Variants in CPEB3 observed in about 807,000 individuals in gnomAD.
The protein encoded by CPEB3 is cytoplasmic polyadenylation element-binding protein 3.
A neutral mutation model predicts 67.2 loss-of-function variants in CPEB3; 20 were observed. The ratio of observed to expected loss-of-function variants is 0.30; its 90% CI spans 0.21 to 0.43. The LOEUF (loss-of-function observed/expected upper bound fraction) is 0.43. Ranked by LOEUF, CPEB3 falls within the 20% of genes least tolerant of loss-of-function variation. The pLI is 1.00. For missense variants in CPEB3, 746 were observed against 968.6 expected (o/e 0.77, Z 3.05); for synonymous variants, 376 against 393.1 (o/e 0.96, Z 0.51).
rs528407237 is a variant in CPEB3, at chr10:92,281,527, A to G, written c.-12+9399T>C. On this transcript the variant is annotated intron_variant, in intron 1 of 9. Transcript: ENST00000265997. ...CTACGATGGTATCCTTCGCAGCACA[A>G]ATATTTTGAATTTTGATTGTCAGTC... is the stretch of plus-strand genomic sequence containing the variant. Among the ~76,000 whole-genome samples, 7 of 152,242 alleles carry G rather than the reference A, an allele frequency of 4.6e-5. No individual in the cohort carries two copies. The East Asian group carries it at 1.4e-3, about 29-fold the overall frequency.
At chr10:92,109,321 C>T (rs920763530) in intron 7 of CPEB3, among the ~76,000 whole-genome samples, 6 of 151,526 alleles carry the variant, frequency 4.0e-5, no homozygotes, top group Non-Finnish European at 2.9e-5. Flanking sequence ...GACGCGATCT[C>T]GGCTCACTGC....
At chr10:92,178,402 G>A (rs1315951836) in intron 4 of CPEB3, among the ~76,000 whole-genome samples, 1 of 152,088 alleles carries the variant, frequency 6.6e-6, no homozygotes, top group Admixed American at 6.5e-5. Context: ...CAAGTGATCT[G>A]CCCACCTCGG....
chr10:92,120,583 AAAAAAAC>A (rs759397312), intron 6 of CPEB3, among the ~76,000 whole-genome samples: 20 of 152,158 alleles, frequency 1.3e-4, no homozygotes, highest in South Asian at 4.1e-4. Context: ...GACTGTCTCA[AAAAAAAC>A]AAAAAACAAA....
At chr10:92,105,995 C>T (rs953522343) in intron 7 of CPEB3, among the ~76,000 whole-genome samples, 9 of 152,072 alleles carry the variant, frequency 5.9e-5, no homozygotes, top group Admixed American at 1.3e-4. Context: ...TGGGTTCAAG[C>T]GATTCTTGTG....
chr10:92,229,639 G>A (rs1851167089), intron 2 of CPEB3, among the ~76,000 whole-genome samples: 1 of 152,196 alleles, frequency 6.6e-6, no homozygotes, highest in East Asian at 1.9e-4. Context: ...ACTATGGGGT[G>A]TCCATAAAGT....
At position 92,138,205 on chromosome 10, in the gene CPEB3, G is replaced by A. The variant is rs878971073; in HGVS notation, c.1453+4824C>T. The A allele has an allele frequency of 5.4e-5, 12 of 221,344 alleles. No individual in the cohort carries two copies. In the South Asian group the frequency reaches 9.5e-4, roughly 18 times the overall value. The allele number at this position is 221,344 out of a possible 1,614,324, so 13.7% of individuals were successfully genotyped here. On this transcript the variant is annotated intron_variant, in intron 6 of 9. Coordinates refer to ENST00000265997, the MANE Select transcript of CPEB3 (RefSeq NM_014912.5). ...GCAGGTTTCTTCAGTTATCAACTGTGACCTTCCCACCTGTATCCACAGAAT... is the reference window on the plus strand; with the variant it reads ...GCAGGTTTCTTCAGTTATCAACTGTAACCTTCCCACCTGTATCCACAGAAT...
chr10:92,255,156 C>T (rs1471593041), intron 1 of CPEB3, among the ~76,000 whole-genome samples: 1 of 152,172 alleles, frequency 6.6e-6, no homozygotes, highest in African/African-American at 2.4e-5. Context: ...GAAGCTGAGT[C>T]TCCCTACAAG....
chr10:92,173,681 A>G (rs1375931546), intron 4 of CPEB3, among the ~76,000 whole-genome samples: 2 of 152,188 alleles, frequency 1.3e-5, no homozygotes, highest in Non-Finnish European at 2.9e-5. Flanking sequence ...ACCCTGGCCA[A>G]TTCTTACAGC....
At chr10:92,193,424 C>A (rs923091705) in intron 2 of CPEB3, among the ~76,000 whole-genome samples, 2 of 152,004 alleles carry the variant, frequency 1.3e-5, no homozygotes, top group East Asian at 1.9e-4. Context: ...GTCAAACGAA[C>A]AGAGATGTTC....
chr10:92,207,545 G>A (rs774964565), intron 2 of CPEB3, among the ~76,000 whole-genome samples: 1 of 152,104 alleles, frequency 6.6e-6, no homozygotes, highest in Admixed American at 6.6e-5. Flanking sequence ...CTTTTGCGAG[G>A]AAGAAATGAG....
At chr10:92,266,827 A>T (rs1399368759) in intron 1 of CPEB3, among the ~76,000 whole-genome samples, 1 of 152,122 alleles carries the variant, frequency 6.6e-6, no homozygotes, top group African/African-American at 2.4e-5. Flanking sequence ...TGAGGTCAGG[A>T]GTTCGAGACG....
intron 4 of CPEB3, among the ~76,000 whole-genome samples, chr10:92,153,059 T>C (rs1284541201): frequency 6.6e-6 from 1 of 152,210 alleles, no homozygotes; most frequent in Non-Finnish European, 1.5e-5. Context: ...CCTATTACTA[T>C]GAGCAGTAAC....
chr10:92,063,579 A>G (rs137984155), intron 9 of CPEB3, among the ~76,000 whole-genome samples: 2,224 of 152,234 alleles, frequency 0.015, 55 homozygotes, highest in African/African-American at 0.05. Context: ...CCTGGCCAAC[A>G]TGGTGAAACC....
chr10:92,273,007 T>TAAAGG (rs1853370336), intron 1 of CPEB3, among the ~76,000 whole-genome samples: 1 of 151,814 alleles, frequency 6.6e-6, no homozygotes, highest in East Asian at 1.9e-4. Context: ...TGGACAAGGG[T>TAAAGG]AAAGGAAAGG....
chr10:92,224,011 C>T (rs1850841705), intron 2 of CPEB3, among the ~76,000 whole-genome samples: 2 of 152,060 alleles, frequency 1.3e-5, no homozygotes, highest in Admixed American at 6.5e-5. Flanking sequence ...GTGATCCATC[C>T]ACCTTGGCCT....
At chr10:92,118,123 A>T (rs1564794055) in intron 6 of CPEB3, among the ~76,000 whole-genome samples, 2 of 152,072 alleles carry the variant, frequency 1.3e-5, no homozygotes, top group Admixed American at 6.6e-5. Flanking sequence ...ACCATTTGAC[A>T]GTTTTGTTTT....
At chr10:92,100,275 T>G (rs1446551784) in intron 7 of CPEB3, among the ~76,000 whole-genome samples, 2 of 151,690 alleles carry the variant, frequency 1.3e-5, no homozygotes, top group East Asian at 3.9e-4. Context: ...GGTTTTTTTT[T>G]GTTTGTTTGT....
chr10:92,195,645 G>T (rs1849205863), intron 2 of CPEB3, among the ~76,000 whole-genome samples: 1 of 152,202 alleles, frequency 6.6e-6, no homozygotes, highest in Non-Finnish European at 1.5e-5. Flanking sequence ...GAAGACATGA[G>T]AGTGTTTCAG....
chr10:92,118,852 A>G (rs7086446), intron 6 of CPEB3: 265,234 of 787,572 alleles, frequency 0.34, 48,073 homozygotes, highest in African/African-American at 0.55. Flanking sequence ...TTCCCATGGC[A>G]ATGGCCATCT....
Sources: allele counts gnomAD v4.1 joint callset (sites outside exome capture counted in the v4.1 genomes callset), GRCh38; gene constraint gnomAD v4.1.1; transcripts MANE v1.5; gene names NCBI Gene and HGNC (gene_info 2026-07-23, HGNC 2026-07-21).